Variants in PALLD observed in about 807,000 individuals in gnomAD.
PALLD encodes the protein palladin.
A neutral mutation model predicts 123.5 loss-of-function variants in PALLD; 61 were observed. The ratio of observed to expected loss-of-function variants is 0.49; its 90% confidence interval spans 0.40 to 0.61. The LOEUF (loss-of-function observed/expected upper bound fraction) is 0.61, where lower values mean the gene tolerates loss of function less well. Ranked by LOEUF, PALLD falls within the 20% of genes least tolerant of loss-of-function variation. PALLD has a pLI of 0.00. For missense variants in PALLD, 1,273 were observed against 1,377.0 expected, an observed-to-expected ratio of 0.92 and a Z score of 1.20; for synonymous variants, 465 against 496.4, an observed-to-expected ratio of 0.94 and a Z score of 0.84.
At chr4:168,793,958 G>C (rs2150625607) in intron 10 of PALLD, among the ~76,000 whole-genome samples, 1 of 152,260 alleles carries the variant, frequency 6.6e-6, no homozygotes, top group South Asian at 2.1e-4. Context: ...TTCCAGGAAG[G>C]CCACGTTCTG....
At chr4:168,605,594 T>C (rs1452598457) in intron 2 of PALLD, among the ~76,000 whole-genome samples, 1 of 152,174 alleles carries the variant, frequency 6.6e-6, no homozygotes, top group Non-Finnish European at 1.5e-5. Context: ...ATCCAGGGAA[T>C]GACTCACAGA....
At chr4:168,840,068 C>A (rs2150919750) in intron 10 of PALLD, among the ~76,000 whole-genome samples, 1 of 152,164 alleles carries the variant, frequency 6.6e-6, no homozygotes, top group South Asian at 2.1e-4. Flanking sequence ...TATTTGTCTT[C>A]ATAACTATAA....
chr4:168,882,461 T>A (rs2151145225), intron 10 of PALLD, among the ~76,000 whole-genome samples: 1 of 152,342 alleles, frequency 6.6e-6, no homozygotes, highest in South Asian at 2.1e-4. Flanking sequence ...ACTTTAAGAT[T>A]CATGACACAG....
intron 2 of PALLD, among the ~76,000 whole-genome samples, chr4:168,593,056 A>G (rs561869424): frequency 1.8e-3 from 280 of 152,282 alleles, no homozygotes; most frequent in African/African-American, 6.5e-3. Context: ...AATTACTATA[A>G]GAGACTTCAT....
chr4:168,619,778 T>C (rs1774576607), intron 2 of PALLD, among the ~76,000 whole-genome samples: 1 of 152,188 alleles, frequency 6.6e-6, no homozygotes, highest in Admixed American at 6.5e-5. Context: ...TTATTGCTAG[T>C]GAATTCCTTA....
chr4:168,786,349 A>C (rs1056607064), intron 10 of PALLD, among the ~76,000 whole-genome samples: 1 of 151,998 alleles, frequency 6.6e-6, no homozygotes, highest in African/African-American at 2.4e-5. Flanking sequence ...GAAGTATACT[A>C]TTTTCATAGA....
chr4:168,747,138 G>A (rs1004587395), intron 10 of PALLD, among the ~76,000 whole-genome samples: 6 of 152,204 alleles, frequency 3.9e-5, no homozygotes, highest in Non-Finnish European at 8.8e-5. Flanking sequence ...GTACCTAAAA[G>A]CAGATAGCTG....
At chr4:168,749,154 C>G (rs12640101) in intron 10 of PALLD, among the ~76,000 whole-genome samples, 13,517 of 152,110 alleles carry the variant, frequency 0.089, 593 homozygotes, top group South Asian at 0.13. Context: ...CTCTCTCTCT[C>G]TTGCTCCTGC....
chr4:168,855,214 C>T lies in PALLD; in HGVS notation c.1965-35708C>T, dbSNP rs149035344. On this transcript the variant is annotated intron_variant, in intron 10 of 21. Transcript: ENST00000505667. ...CAAGCGATTCTCCTGCCTCAGCCTC[C>T]AAAGTAGCTGGGATTACAGGCACAT... Among the ~76,000 whole-genome samples, 723 of 151,830 alleles carry T rather than the reference C, an allele frequency of 4.8e-3. 6 individuals carry two copies. Among genetic ancestry groups the T allele is most frequent in the Admixed American group, 5.5e-3 (84 of 15,272 alleles).
chr4:168,896,118 G>C (rs533481879), intron 12 of PALLD, among the ~76,000 whole-genome samples: 1 of 151,534 alleles, frequency 6.6e-6, no homozygotes, highest in East Asian at 2.0e-4. Flanking sequence ...GCTGAGACAT[G>C]AGAATCGCTT....
rs1580055573 is a variant in PALLD at position 168,512,256 on chromosome 4, T to A, written c.752T>A (p.Val251Glu). 6.2e-7 allele frequency: 1 copy of A among 1,614,094 alleles called. No individual in the cohort carries two copies. Among genetic ancestry groups the A allele is most frequent in the South Asian group, 1.1e-5 (1 of 91,080 alleles). ...TACCAGGACAACCAGGACTTGGCAGTGCCACACAACCGCAAGTCTCACCCA... is the reference window on the plus strand; with the variant it reads ...TACCAGGACAACCAGGACTTGGCAGAGCCACACAACCGCAAGTCTCACCCA... ...HCYQDNQDLA[V>E]PHNRKSHPQP... Residue 251 changes from valine to glutamate, a missense_variant, in exon 2 of 22, where the codon GTG becomes GAG. This residue lies in a region of PALLD where 944 missense variants were observed against 954.5 expected (regional missense o/e 0.99). Coordinates refer to ENST00000505667, the MANE Select transcript of PALLD (RefSeq NM_001166108.2).
At chr4:168,872,164 TTCTC>T (rs778024585) in intron 10 of PALLD, among the ~76,000 whole-genome samples, 4 of 152,120 alleles carry the variant, frequency 2.6e-5, no homozygotes, top group South Asian at 2.1e-4. Flanking sequence ...CAGTTGCTCC[TTCTC>T]TCTCTCTCTA....
At chr4:168,503,978 C>G (rs913685578) in intron 1 of PALLD, among the ~76,000 whole-genome samples, 3 of 152,188 alleles carry the variant, frequency 2.0e-5, no homozygotes, top group African/African-American at 7.2e-5. Flanking sequence ...ATTTTTATCC[C>G]TTACTGCAAT....
At chr4:168,773,940 A>G (rs1734797177) in intron 10 of PALLD, among the ~76,000 whole-genome samples, 1 of 152,058 alleles carries the variant, frequency 6.6e-6, no homozygotes, top group South Asian at 2.1e-4. Flanking sequence ...TTTCAATTTA[A>G]CCATGTATTA....
At chr4:168,861,199 G>A (rs772499630) in intron 10 of PALLD, among the ~76,000 whole-genome samples, 2 of 151,744 alleles carry the variant, frequency 1.3e-5, no homozygotes, top group Non-Finnish European at 2.9e-5. Flanking sequence ...ATTTTGCCTC[G>A]GCTACATGGA....
chr4:168,537,055 G>C (rs1765171185), intron 2 of PALLD, among the ~76,000 whole-genome samples: 1 of 152,128 alleles, frequency 6.6e-6, no homozygotes, highest in African/African-American at 2.4e-5. Flanking sequence ...CTGATCTCCT[G>C]ACCTTGTGAT....
chr4:168,621,003 C>G (rs1774713817), intron 2 of PALLD, among the ~76,000 whole-genome samples: 1 of 152,186 alleles, frequency 6.6e-6, no homozygotes, highest in Non-Finnish European at 1.5e-5. Flanking sequence ...CCTCTGAATC[C>G]AAGTGGTGGG....
chr4:168,579,770 T>C (rs918393080), intron 2 of PALLD, among the ~76,000 whole-genome samples: 5 of 152,048 alleles, frequency 3.3e-5, no homozygotes, highest in African/African-American at 1.2e-4. Context: ...TTTTGACAGA[T>C]AAAAATTATA....
intron 3 of PALLD, among the ~76,000 whole-genome samples, chr4:168,677,134 A>G (rs1780934048): frequency 6.6e-6 from 1 of 152,152 alleles, no homozygotes; most frequent in Non-Finnish European, 1.5e-5. Context: ...GTGACGGTTA[A>G]TAAATATGGA....
Sources: allele counts gnomAD v4.1 joint callset (sites outside exome capture counted in the v4.1 genomes callset), GRCh38; gene constraint gnomAD v4.1.1; regional missense constraint gnomAD v4.1.1; transcripts MANE v1.5; gene names NCBI Gene and HGNC (gene_info 2026-07-23, HGNC 2026-07-21).